The following ROBO2 variants were observed in gnomAD, a reference collection of about 807,000 sequenced individuals.
The protein encoded by ROBO2 is roundabout homolog 2.
Under a neutral mutation model 160.8 loss-of-function variants are expected in ROBO2, and 53 were observed. The ratio of observed to expected loss-of-function variants is 0.33; its 90% confidence interval spans 0.26 to 0.41. The LOEUF is 0.41. Among genes scored for constraint, ROBO2 ranks in the 10% least tolerant of loss-of-function variants. ROBO2 has a pLI of 1.00. For synonymous variants in ROBO2, 664 were observed against 611.7 expected, an observed-to-expected ratio of 1.09 and a Z score of -1.26; for missense variants, 1,577 against 1,722.4, an observed-to-expected ratio of 0.92 and a Z score of 1.49.
At chr3:76,003,008 C>T (rs139493166) in intron 2 of ROBO2, among the ~76,000 whole-genome samples, 2 of 152,282 alleles carry the variant, frequency 1.3e-5, no homozygotes, top group Non-Finnish European at 2.9e-5. Flanking sequence ...ACTCTCCATG[C>T]AGTACTCTAT....
At chr3:76,213,944 G>C (rs1257041442) in intron 2 of ROBO2, among the ~76,000 whole-genome samples, 1 of 152,076 alleles carries the variant, frequency 6.6e-6, no homozygotes, top group Admixed American at 6.6e-5. Flanking sequence ...TATAGATATA[G>C]ATATACATAA....
At chr3:76,354,055 C>T (rs1273443015) in intron 2 of ROBO2, among the ~76,000 whole-genome samples, 6 of 151,836 alleles carry the variant, frequency 4.0e-5, no homozygotes, top group African/African-American at 1.4e-4. Flanking sequence ...TGTTTTAAAA[C>T]TCAACATAGA....
chr3:77,196,864 C>T (rs2082353741), intron 2 of ROBO2, among the ~76,000 whole-genome samples: 1 of 150,634 alleles, frequency 6.6e-6, no homozygotes, highest in Non-Finnish European at 1.5e-5. Flanking sequence ...TAGACTCGTT[C>T]AATGGAAAAT....
At chr3:77,519,069 C>A (rs562630117) in intron 5 of ROBO2, among the ~76,000 whole-genome samples, 37 of 151,410 alleles carry the variant, frequency 2.4e-4, no homozygotes, top group Non-Finnish European at 4.4e-4. Flanking sequence ...GAAAGGTAGT[C>A]TCTTTTATTA....
chr3:76,938,509 G>C (rs543029282), intron 2 of ROBO2, among the ~76,000 whole-genome samples: 103 of 152,038 alleles, frequency 6.8e-4, no homozygotes, highest in Admixed American at 1.5e-3. Flanking sequence ...CTTCTCTCTG[G>C]TGATCTGCTC....
At chr3:76,711,991 G>C (rs895817980) in intron 2 of ROBO2, among the ~76,000 whole-genome samples, 1 of 152,096 alleles carries the variant, frequency 6.6e-6, no homozygotes, top group Non-Finnish European at 1.5e-5. Flanking sequence ...AGTAATGGCA[G>C]CTTCCAGAAT....
In ROBO2 at chr3:77,318,207, T is replaced by C. The variant is rs543810398; in HGVS notation, c.389-159207T>C. Among the ~76,000 whole-genome samples the C allele has an allele frequency of 2.1e-4, 32 of 152,024 alleles. No homozygotes were observed. The East Asian group carries it at 6.2e-3, about 30-fold the overall frequency. ...GAATCACAGGCACCTGCTATTTTTG[T>C]ATTTTTAGTAGAGATGGGGTTTCGC... On this transcript the variant is annotated intron_variant, in intron 2 of 25. Coordinates refer to ENST00000461745, the Ensembl canonical transcript of ROBO2.
intron 2 of ROBO2, among the ~76,000 whole-genome samples, chr3:76,999,928 G>T (rs1296751749): frequency 6.6e-6 from 1 of 152,008 alleles, no homozygotes; most frequent in Non-Finnish European, 1.5e-5. Context: ...CATTGCTTTT[G>T]TATCCTCCTG....
At chr3:76,588,643 G>T (rs554472495) in intron 2 of ROBO2, among the ~76,000 whole-genome samples, 2 of 152,266 alleles carry the variant, frequency 1.3e-5, no homozygotes, top group South Asian at 2.1e-4. Flanking sequence ...GATGTCTTAT[G>T]TAGAGGCATT....
intron 2 of ROBO2, among the ~76,000 whole-genome samples, chr3:76,965,948 G>C (rs1329005825): frequency 1.5e-5 from 2 of 133,660 alleles, no homozygotes. Flanking sequence ...TTGAGACGGA[G>C]TTTCACTCTT....
intron 1 of ROBO2, among the ~76,000 whole-genome samples, chr3:77,059,305 A>C (rs765664276): frequency 2.0e-5 from 3 of 152,142 alleles, no homozygotes; most frequent in Non-Finnish European, 2.9e-5. Context: ...AAGCAGTGAA[A>C]GGTGGAAGAA....
Position 76,264,389 on chromosome 3 carries a change from C to T in ROBO2, c.109+326787C>T, listed in dbSNP as rs148888212. ...ACTTCCATAACACAATAAAACTTAA[C>T]ATCCATGCACCTTTCCTCGTTATTA... On this transcript the variant is annotated intron_variant, in intron 2 of 26. Transcript: ENST00000487694. Among the ~76,000 whole-genome samples, 28 of 151,122 alleles carry T rather than the reference C, an allele frequency of 1.9e-4. No individual in the cohort carries two copies. In the East Asian group the frequency reaches 5.3e-3, roughly 29 times the overall value.
intron 2 of ROBO2, among the ~76,000 whole-genome samples, chr3:76,803,875 T>C (rs2064450473): frequency 6.6e-6 from 1 of 152,170 alleles, no homozygotes; most frequent in African/African-American, 2.4e-5. Context: ...AAGAGTATGA[T>C]TCTTATTATT....
At chr3:76,827,734 T>G (rs1431024554) in intron 2 of ROBO2, among the ~76,000 whole-genome samples, 1 of 152,128 alleles carries the variant, frequency 6.6e-6, no homozygotes, top group Non-Finnish European at 1.5e-5. Context: ...TATTACATAA[T>G]ATTTCAGATT....
intron 2 of ROBO2, among the ~76,000 whole-genome samples, chr3:76,550,166 C>T (rs1438588834): frequency 3.3e-5 from 5 of 152,118 alleles, no homozygotes; most frequent in African/African-American, 9.7e-5. Context: ...CATCTGTCTC[C>T]TTTATAAATG....
intron 2 of ROBO2, among the ~76,000 whole-genome samples, chr3:76,643,564 A>G (rs2090812283): frequency 6.6e-6 from 1 of 152,214 alleles, no homozygotes; most frequent in Non-Finnish European, 1.5e-5. Context: ...CATCTTACTT[A>G]ATGTACATTG....
intron 2 of ROBO2, among the ~76,000 whole-genome samples, chr3:77,143,361 A>T (rs1231228525): frequency 6.6e-6 from 1 of 150,950 alleles, no homozygotes; most frequent in Non-Finnish European, 1.5e-5. Context: ...CACCCGGCTA[A>T]TTTTTTCTAT....
intron 17 of ROBO2, among the ~76,000 whole-genome samples, chr3:77,592,713 G>A (rs576649381): frequency 9.2e-5 from 14 of 152,022 alleles, no homozygotes; most frequent in South Asian, 2.1e-4. Flanking sequence ...CACTGCGCCC[G>A]GCTAATTTTT....
chr3:77,269,973 C>T (rs983577823), intron 2 of ROBO2, among the ~76,000 whole-genome samples: 1 of 151,970 alleles, frequency 6.6e-6, no homozygotes, highest in Non-Finnish European at 1.5e-5. Flanking sequence ...AGCAAATGAC[C>T]ATGAAGTATT....
Sources: gnomAD v4.1 joint callset for allele counts (sites outside exome capture counted in the v4.1 genomes callset) on GRCh38, gnomAD v4.1.1 for gene constraint, MANE v1.5 for transcripts, NCBI Gene and HGNC (gene_info 2026-07-23, HGNC 2026-07-21) for gene names.